The following LRMDA variants were observed in gnomAD, a reference collection of about 807,000 sequenced individuals.
LRMDA encodes leucine rich melanocyte differentiation associated.
A neutral mutation model predicts 29.8 loss-of-function variants in LRMDA; 18 were observed. That is an observed-to-expected ratio of 0.60 (90% confidence interval 0.42 to 0.90). The LOEUF (loss-of-function observed/expected upper bound fraction) is 0.90. Among genes scored for constraint, LRMDA ranks in the 40% least tolerant of loss-of-function variants. LRMDA has a pLI of 0.00. For synonymous variants in LRMDA, 125 were observed against 109.4 expected (o/e 1.14, Z -0.89); for missense variants, 273 against 273.9 (o/e 1.00, Z 0.02).
chr10:76,231,509 T>C (rs1852058304), intron 5 of LRMDA, among the ~76,000 whole-genome samples: 1 of 152,186 alleles, frequency 6.6e-6, no homozygotes, highest in Non-Finnish European at 1.5e-5. Flanking sequence ...TGGTTTCCTT[T>C]CCTTTTATGA....
intron 2 of LRMDA, among the ~76,000 whole-genome samples, chr10:75,833,703 G>A (rs543466106): frequency 4.7e-4 from 72 of 152,260 alleles, no homozygotes; most frequent in African/African-American, 1.7e-3. Context: ...AATCAAGTAT[G>A]AGTGAGCCGC....
At chr10:76,292,664 C>T (rs1840356076) in intron 5 of LRMDA, among the ~76,000 whole-genome samples, 1 of 151,962 alleles carries the variant, frequency 6.6e-6, no homozygotes, top group Admixed American at 6.6e-5. Flanking sequence ...GACAAGTCCC[C>T]ATGATACTAC....
chr10:75,511,658 A>G (rs1845227285), intron 2 of LRMDA, among the ~76,000 whole-genome samples: 1 of 152,202 alleles, frequency 6.6e-6, no homozygotes, highest in Non-Finnish European at 1.5e-5. Flanking sequence ...CATGTTGTGT[A>G]AAAATAACCT....
chr10:75,602,591 T>C (rs1840901342), intron 2 of LRMDA, among the ~76,000 whole-genome samples: 1 of 152,132 alleles, frequency 6.6e-6, no homozygotes, highest in South Asian at 2.1e-4. Flanking sequence ...ACTCTATTTA[T>C]CTAGGTAGGG....
chr10:76,356,571 C>G (rs1841242403), intron 6 of LRMDA, among the ~76,000 whole-genome samples: 1 of 152,110 alleles, frequency 6.6e-6, no homozygotes, highest in Non-Finnish European at 1.5e-5. Flanking sequence ...AATCTTGGTT[C>G]CTGACATTTT....
At chr10:76,241,101 G>C (rs192201618) in intron 5 of LRMDA, among the ~76,000 whole-genome samples, 1 of 151,912 alleles carries the variant, frequency 6.6e-6, no homozygotes, top group Non-Finnish European at 1.5e-5. Flanking sequence ...TGGACTTTGG[G>C]GTCTTGGGGG....
intron 5 of LRMDA, among the ~76,000 whole-genome samples, chr10:76,221,911 C>T (rs1405845118): frequency 3.3e-5 from 5 of 151,832 alleles, no homozygotes; most frequent in Non-Finnish European, 7.4e-5. Flanking sequence ...GTACTGGTAC[C>T]AAAACAGAGA....
At chr10:75,917,439 T>C (rs1010654896) in intron 2 of LRMDA, among the ~76,000 whole-genome samples, 1 of 152,194 alleles carries the variant, frequency 6.6e-6, no homozygotes, top group African/African-American at 2.4e-5. Flanking sequence ...ACCCCACAGC[T>C]GCATGGCCAG....
At chr10:76,524,105 T>A (rs1448329248) in intron 6 of LRMDA, among the ~76,000 whole-genome samples, 1 of 152,258 alleles carries the variant, frequency 6.6e-6, no homozygotes, top group Non-Finnish European at 1.5e-5. Flanking sequence ...TGTTTGGATG[T>A]AATAAACATC....
chr10:75,936,469 A>G (rs1053953776), intron 2 of LRMDA, among the ~76,000 whole-genome samples: 1 of 152,162 alleles, frequency 6.6e-6, no homozygotes, highest in Non-Finnish European at 1.5e-5. Context: ...GCCTATTTGC[A>G]TATCTATTTG....
rs530334993 is a variant in LRMDA, at chr10:76,429,507, C to T, written c.601+105022C>T. On this transcript the variant is annotated intron_variant, in intron 6 of 6. Coordinates refer to ENST00000611255, the MANE Select transcript of LRMDA (RefSeq NM_001305581.2). ...GTGATGTATGATGATTATTATTCCTCTTGTCAGGGAGGCGCGTACAAGCGA... is the reference window on the plus strand; with the variant it reads ...GTGATGTATGATGATTATTATTCCTTTTGTCAGGGAGGCGCGTACAAGCGA... Among the ~76,000 whole-genome samples the T allele has an allele frequency of 2.0e-5, 3 of 152,124 alleles. No homozygotes were observed. The South Asian group carries it at 6.2e-4, about 32-fold the overall frequency.
chr10:75,703,360 G>A (rs574537951), intron 2 of LRMDA, among the ~76,000 whole-genome samples: 2 of 152,318 alleles, frequency 1.3e-5, no homozygotes, highest in South Asian at 2.1e-4. Context: ...CAGATCTGCC[G>A]ATCTGAGAGA....
intron 2 of LRMDA, among the ~76,000 whole-genome samples, chr10:75,521,347 G>C (rs183496357): frequency 5.7e-4 from 87 of 152,372 alleles, no homozygotes; most frequent in Admixed American, 1.4e-3. Context: ...GCCTTGCTGA[G>C]CTGCAGTGGG....
intron 6 of LRMDA, among the ~76,000 whole-genome samples, chr10:76,440,520 G>A (rs1177833970): frequency 4.2e-5 from 6 of 143,158 alleles, no homozygotes; most frequent in Non-Finnish European, 9.1e-5. Flanking sequence ...AACTGATCTT[G>A]TACAAGGCAA....
intron 2 of LRMDA, among the ~76,000 whole-genome samples, chr10:75,827,920 C>A (rs1299220086): frequency 1.3e-5 from 2 of 152,134 alleles, no homozygotes; most frequent in African/African-American, 4.8e-5. Flanking sequence ...AGCTGGAATT[C>A]TTTGGAGGGT....
chr10:75,660,505 G>A (rs1841738361), intron 2 of LRMDA, among the ~76,000 whole-genome samples: 1 of 152,176 alleles, frequency 6.6e-6, no homozygotes, highest in Non-Finnish European at 1.5e-5. Context: ...GAGAAGTGCT[G>A]GGTGGGAGTT....
intron 2 of LRMDA, among the ~76,000 whole-genome samples, chr10:75,955,741 C>A (rs1564616082): frequency 6.6e-6 from 1 of 152,116 alleles, no homozygotes; most frequent in East Asian, 1.9e-4. Context: ...CTTCTCATTT[C>A]TGGTATACAT....
rs1192290915 is a variant in LRMDA at position 76,180,471 on chromosome 10, G to A, written c.516+121688G>A. On this transcript the variant is annotated intron_variant, in intron 5 of 6. Transcript: ENST00000611255. The stretch of plus-strand genomic sequence containing the variant: ...ATTTTTTGTATTTTTAGTAGAGATG[G>A]GGTTTCACCATGTTGGCCAAGCTGG... 3.3e-5 allele frequency among the ~76,000 whole-genome samples: 5 copies of A among 151,742 alleles called. No homozygotes were observed. The East Asian group carries it at 9.7e-4, about 30-fold the overall frequency.
chr10:76,427,193 G>T (rs1047515001), intron 6 of LRMDA, among the ~76,000 whole-genome samples: 14 of 150,956 alleles, frequency 9.3e-5, no homozygotes, highest in South Asian at 6.4e-4. Flanking sequence ...ATTACCTTGG[G>T]CAGTATGGCC....
Sources: gnomAD v4.1 joint callset for allele counts (sites outside exome capture counted in the v4.1 genomes callset) on GRCh38, gnomAD v4.1.1 for gene constraint, MANE v1.5 for transcripts, NCBI Gene and HGNC (gene_info 2026-07-23, HGNC 2026-07-21) for gene names.